SFXN5: variants seen among roughly 807,000 people sequenced by gnomAD.
The protein encoded by SFXN5 is sideroflexin-5.
A neutral mutation model predicts 50.2 loss-of-function variants in SFXN5; 43 were observed. The ratio of observed to expected loss-of-function variants is 0.86; its 90% CI spans 0.67 to 1.11. SFXN5 has a LOEUF of 1.11. Among genes scored for constraint, SFXN5 ranks in the 50% least tolerant of loss-of-function variants. SFXN5 has a pLI of 0.00. For synonymous variants in SFXN5, 203 were observed against 185.8 expected (o/e 1.09, Z -0.75); for missense variants, 463 against 454.1 (o/e 1.02, Z -0.18).
chr2:73,063,903 A>C (rs1337768672), intron 1 of SFXN5, among the ~76,000 whole-genome samples: 1 of 152,196 alleles, frequency 6.6e-6, no homozygotes, highest in African/African-American at 2.4e-5. Context: ...CAAAATGTAT[A>C]GCCTCCCTCC....
chr2:73,027,302 A>T (rs1050536976), intron 3 of SFXN5, among the ~76,000 whole-genome samples: 6 of 152,234 alleles, frequency 3.9e-5, no homozygotes, highest in Non-Finnish European at 5.9e-5. Context: ...AAAGTTTTTT[A>T]AAAAAGTAAA....
chr2:73,070,874 T>C (rs1683540455), intron 1 of SFXN5: 1 of 152,154 alleles, frequency 6.6e-6, no homozygotes, highest in Non-Finnish European at 1.5e-5. Flanking sequence ...GGGGGGGGGT[T>C]CCCAGGCGGC....
chr2:72,966,249 T>C (rs1482436922), intron 12 of SFXN5, among the ~76,000 whole-genome samples: 1 of 152,188 alleles, frequency 6.6e-6, no homozygotes, highest in Non-Finnish European at 1.5e-5. Context: ...CTTGTGCGAG[T>C]GTTCTACCTC....
chr2:72,982,242 C>A lies in SFXN5; in HGVS notation c.625+6016G>T, dbSNP rs186774531. Among the ~76,000 whole-genome samples the A allele has an allele frequency of 2.0e-5, 3 of 149,904 alleles. No homozygotes were observed. The Admixed American group carries it at 2.0e-4, about 10-fold the overall frequency. ...TGGCCTGGAAGGGTTGGATAATGTG[C>A]CCAGGATGATCTGGAAAGGGGTGGG... On this transcript the variant is annotated intron_variant, in intron 10 of 13. Transcript: ENST00000272433.
At chr2:73,008,341 C>T (rs992483178) in intron 6 of SFXN5, among the ~76,000 whole-genome samples, 2 of 152,028 alleles carry the variant, frequency 1.3e-5, no homozygotes, top group South Asian at 2.1e-4. Flanking sequence ...TTTGAGAGTT[C>T]GACATGACAT....
intron 4 of SFXN5, among the ~76,000 whole-genome samples, chr2:73,022,964 G>C (rs1574145227): frequency 1.3e-5 from 2 of 152,278 alleles, no homozygotes; most frequent in Admixed American, 1.3e-4. Flanking sequence ...TGTCTCTTCT[G>C]GGAGCTCAGA....
At chr2:72,963,387 G>A (rs1197059441) in intron 12 of SFXN5, among the ~76,000 whole-genome samples, 5 of 152,184 alleles carry the variant, frequency 3.3e-5, no homozygotes, top group Admixed American at 2.0e-4. Context: ...TCTCAGGGTG[G>A]CTGGCTGAAG....
intron 6 of SFXN5, among the ~76,000 whole-genome samples, chr2:73,009,374 G>T (rs1383226941): frequency 6.6e-6 from 1 of 152,226 alleles, no homozygotes; most frequent in African/African-American, 2.4e-5. Context: ...GCCCAGGGGT[G>T]GGGAGGAGTG....
In SFXN5 at chr2:72,973,672, T is replaced by C. The variant is rs1481478828; in HGVS notation, c.626-1987A>G. On this transcript the variant is annotated intron_variant, in intron 10 of 13. Coordinates refer to ENST00000272433, the MANE Select transcript of SFXN5 (RefSeq NM_144579.3). The surrounding 1 kb of genome is among the most constrained non-coding windows in gnomAD (Gnocchi z 5.5). ...TGGGGCCATCGGGCTTGGGTTCCAATTCTGGCTCCATATCTCTCCCGCCTC... is the reference window on the plus strand; with the variant it reads ...TGGGGCCATCGGGCTTGGGTTCCAACTCTGGCTCCATATCTCTCCCGCCTC... Among the ~76,000 whole-genome samples the C allele has an allele frequency of 6.6e-6, 1 of 152,176 alleles. No homozygotes were observed. The highest frequency in any genetic ancestry group is 1.5e-5 in the Non-Finnish European group (1 of 68,022).
At chr2:72,978,815 G>T (rs761148459) in intron 10 of SFXN5, among the ~76,000 whole-genome samples, 3 of 149,520 alleles carry the variant, frequency 2.0e-5, no homozygotes, top group Admixed American at 6.7e-5. Flanking sequence ...GCCCAGATCT[G>T]TTTTTTTTTT....
chr2:72,995,361 G>C (rs1457246568), intron 9 of SFXN5, among the ~76,000 whole-genome samples: 1 of 152,216 alleles, frequency 6.6e-6, no homozygotes, highest in Non-Finnish European at 1.5e-5. Context: ...GCCAGACATT[G>C]CCAAATCTAT....
rs1683591608 is a variant in SFXN5, at chr2:73,071,342, C to T, written c.102+262G>A. 5.9e-5 allele frequency: 27 copies of T among 454,098 alleles called. 1 individual carries two copies. In the South Asian group the frequency reaches 7.7e-4, roughly 13 times the overall value. 28.1% of individuals were successfully genotyped at this position (454,098 alleles called of 1,614,324 possible). On this transcript the variant is annotated intron_variant, in intron 1 of 13. Transcript: ENST00000272433. ...CCGCCGGTGGCCAATCACAGGGCGC[C>T]GCGGGCGGGAAAGGCTAGAGGGCGC... is the stretch of plus-strand genomic sequence containing the variant.
intron 3 of SFXN5, among the ~76,000 whole-genome samples, chr2:73,028,351 C>A (rs1296898323): frequency 2.0e-5 from 3 of 152,218 alleles, no homozygotes; most frequent in Non-Finnish European, 4.4e-5. Flanking sequence ...ACTGCCTCAG[C>A]CACCGCCATG....
intron 2 of SFXN5, chr2:73,049,701 T>C (rs1390266634): frequency 2.6e-5 from 4 of 152,198 alleles, no homozygotes; most frequent in Non-Finnish European, 1.5e-5. Flanking sequence ...ATTTCAGCCA[T>C]AGCATCTCAC....
intron 1 of SFXN5, among the ~76,000 whole-genome samples, chr2:73,060,556 C>A (rs148449997): frequency 5.9e-4 from 89 of 151,834 alleles, no homozygotes; most frequent in African/African-American, 2.0e-3. Flanking sequence ...TGGATCCTGG[C>A]GTAGAGGGGG....
chr2:72,985,318 G>C (rs894716729), intron 10 of SFXN5, among the ~76,000 whole-genome samples: 1 of 152,122 alleles, frequency 6.6e-6, no homozygotes, highest in Non-Finnish European at 1.5e-5. Flanking sequence ...GCAGGACCTA[G>C]GCCCTGCCAG....
At position 72,973,657 on chromosome 2, in the gene SFXN5, G is replaced by A. The variant is rs1004212096; in HGVS notation, c.626-1972C>T. ...ATGGGAGCCTGGGTTTGGGGCCATC[G>A]GGCTTGGGTTCCAATTCTGGCTCCA... On this transcript the variant is annotated intron_variant, in intron 10 of 13. Coordinates refer to ENST00000272433, the MANE Select transcript of SFXN5 (RefSeq NM_144579.3). The surrounding 1 kb of genome is among the most constrained non-coding windows in gnomAD (Gnocchi z 5.5). Among the ~76,000 whole-genome samples, 53 of 152,294 alleles carry A rather than the reference G, an allele frequency of 3.5e-4. No homozygotes were observed. Among genetic ancestry groups the A allele is most frequent in the African/African-American group, 1.3e-3 (53 of 41,550 alleles).
At chr2:72,952,015 C>A (rs72918373) in intron 13 of SFXN5, among the ~76,000 whole-genome samples, 8,698 of 152,162 alleles carry the variant, frequency 0.057, 653 homozygotes, top group African/African-American at 0.17. Flanking sequence ...TCTTGAGTGT[C>A]TTTGGAGAGC....
intron 6 of SFXN5, among the ~76,000 whole-genome samples, chr2:73,012,997 T>A (rs189178878): frequency 1.4e-3 from 206 of 152,062 alleles, no homozygotes; most frequent in Non-Finnish European, 2.4e-3. Context: ...CCTTCCAAAC[T>A]AAAGAAACTA....
Sources: gnomAD v4.1 joint callset for allele counts (sites outside exome capture counted in the v4.1 genomes callset) on GRCh38, gnomAD v4.1.1 for gene constraint, Gnocchi (gnomAD v3.1) non-coding constraint, MANE v1.5 for transcripts, NCBI Gene and HGNC (gene_info 2026-07-23, HGNC 2026-07-21) for gene names.